The following DNAI1 variants were observed in gnomAD, a reference collection of about 807,000 sequenced individuals.
The protein encoded by DNAI1 is dynein, axonemal, intermediate polypeptide 1.
In DNAI1, 67 loss-of-function variants were observed where a neutral mutation model predicts 92.0. The ratio of observed to expected loss-of-function variants is 0.73; its 90% confidence interval spans 0.60 to 0.89. The LOEUF is 0.89. Among genes scored for constraint, DNAI1 ranks in the 40% least tolerant of loss-of-function variants. DNAI1 has a pLI of 0.00. For synonymous variants in DNAI1, 323 were observed against 319.6 expected, an observed-to-expected ratio of 1.01 and a Z score of -0.11; for missense variants, 839 against 866.6, an observed-to-expected ratio of 0.97 and a Z score of 0.40.
intron 1 of DNAI1, among the ~76,000 whole-genome samples, chr9:34,470,424 C>G (rs1824115771): frequency 6.6e-6 from 1 of 152,052 alleles, no homozygotes; most frequent in South Asian, 2.1e-4. Context: ...GAAAAATAAA[C>G]TAAGCAAATG....
intron 1 of DNAI1, chr9:34,478,521 A>G (rs1171177425): frequency 6.6e-6 from 1 of 152,280 alleles, no homozygotes; most frequent in Non-Finnish European, 1.5e-5. Context: ...ACCTCCATCC[A>G]AATGCTAGCC....
Position 34,489,325 on chromosome 9 carries a change from A to G in DNAI1, c.264A>G (p.Glu88=). The change falls in exon 5 of 20, where the codon GAA becomes GAG. Residue 88 remains glutamate (E), a splice_region_variant and synonymous_variant. Transcript: ENST00000242317. The part of the protein sequence containing the change: ...PQNIVRYSFK[E]GTYKPIGFVN... ...TGACTCAGCCCCTCTCTTCTTAGGA[A>G]GGCACATATAAGCCTATTGGCTTTG... 9 of 1,614,016 alleles carry G rather than the reference A, an allele frequency of 5.6e-6. No homozygotes were observed. Among genetic ancestry groups the G allele is most frequent in the Non-Finnish European group, 6.8e-6 (8 of 1,179,934 alleles).
intron 12 of DNAI1, among the ~76,000 whole-genome samples, chr9:34,501,810 G>A (rs181723265): frequency 8.5e-4 from 130 of 152,312 alleles, no homozygotes; most frequent in African/African-American, 3.0e-3. Context: ...AACCTTCGGA[G>A]CCCACTGCTA....
intron 1 of DNAI1, among the ~76,000 whole-genome samples, chr9:34,466,736 C>T (rs935364685): frequency 1.3e-5 from 2 of 152,190 alleles, no homozygotes; most frequent in Non-Finnish European, 2.9e-5. Context: ...GGACCAACTA[C>T]TTTCTCCACA....
chr9:34,500,834 C>A lies in DNAI1; in HGVS notation c.1014C>A (p.Leu338=). 6.2e-7 allele frequency: 1 copy of A among 1,613,196 alleles called. No individual in the cohort carries two copies. The highest frequency in any genetic ancestry group is 8.5e-7 in the Non-Finnish European group (1 of 1,179,138). ...DKAKRLSVTA[L]CWNPKYRDLF... ...CCAAGCGCCTGTCCGTCACTGCCCT[C>A]TGCTGGTAAGTATAGGCATTGCAGC... The change falls in exon 11 of 20, where the codon CTC becomes CTA. Residue 338 remains leucine, a synonymous_variant. Coordinates refer to ENST00000242317, the MANE Select transcript of DNAI1 (RefSeq NM_012144.4).
intron 1 of DNAI1, among the ~76,000 whole-genome samples, chr9:34,478,086 G>A (rs917387439): frequency 1.3e-5 from 2 of 151,712 alleles, no homozygotes; most frequent in African/African-American, 2.4e-5. Flanking sequence ...AGGGTTTCAC[G>A]ATGTTGCCCA....
chr9:34,489,926 C>A, intron 5 of DNAI1, 86 bp from the exon 6 acceptor site: 7 of 1,567,500 alleles, frequency 4.5e-6, no homozygotes, highest in Non-Finnish European at 5.2e-6. Context: ...CAAGGAAAAC[C>A]CCAGGCAGAA....
intron 1 of DNAI1, among the ~76,000 whole-genome samples, chr9:34,475,382 A>T (rs1824218443): frequency 6.6e-6 from 1 of 152,182 alleles, no homozygotes; most frequent in Non-Finnish European, 1.5e-5. Flanking sequence ...CTTTCCAGGA[A>T]CAATCATGTT....
chr9:34,506,647 C>T lies in DNAI1; in HGVS notation c.1084C>T (p.Arg362Trp), dbSNP rs147893084. ...YGSYDFMKQS[R>W]GMLLLYSLKN... ...GGTAGATGACTTCATGAAGCAGAGC[C>T]GGGGCATGCTGCTGCTCTACAGCCT... Residue 362 changes from arginine (R) to tryptophan (W), a missense_variant, in exon 13 of 20, where the codon CGG (arginine) becomes TGG (tryptophan). Coordinates refer to ENST00000242317, the MANE Select transcript of DNAI1 (RefSeq NM_012144.4). The T allele has an allele frequency of 4.5e-5, 73 of 1,614,060 alleles. No individual in the cohort carries two copies. Among genetic ancestry groups the T allele is most frequent in the Non-Finnish European group, 5.5e-5 (65 of 1,180,054 alleles).
At chr9:34,462,573 G>C (rs1490613728) in intron 1 of DNAI1, among the ~76,000 whole-genome samples, 1 of 152,184 alleles carries the variant, frequency 6.6e-6, no homozygotes, top group African/African-American at 2.4e-5. Flanking sequence ...TATGAATTCT[G>C]AATGCCCTAA....
intron 12 of DNAI1, among the ~76,000 whole-genome samples, chr9:34,502,264 C>CT (rs1267738852): frequency 1.3e-5 from 2 of 152,154 alleles, no homozygotes; most frequent in Non-Finnish European, 2.9e-5. Context: ...TAAATGCCTG[C>CT]TTTGTGTCCC....
Position 34,490,140 on chromosome 9 carries a change from G to A in DNAI1, c.501+16G>A, listed in dbSNP as rs373496626. 3.2e-5 allele frequency: 52 copies of A among 1,613,582 alleles called. No homozygotes were observed. Among genetic ancestry groups the A allele is most frequent in the South Asian group, 7.7e-5 (7 of 91,042 alleles). ...TGCAGCTGGGGTACAGTATAATATC[G>A]CTCTGTGTCCCTCTTCTTCCAGCTC... On this transcript the variant is annotated intron_variant, in intron 6 of 19. Coordinates refer to ENST00000242317, the MANE Select transcript of DNAI1 (RefSeq NM_012144.4).
At chr9:34,507,293 C>T (rs1824955741) in intron 13 of DNAI1, among the ~76,000 whole-genome samples, 1 of 152,156 alleles carries the variant, frequency 6.6e-6, no homozygotes, top group Admixed American at 6.5e-5. Context: ...AAAAACATAA[C>T]TACTAATAGC....
In DNAI1 at chr9:34,514,435, C is replaced by T. The variant is rs199502666; in HGVS notation, c.1611C>T (p.Asp537=). 7.6e-5 allele frequency: 123 copies of T among 1,614,244 alleles called. 2 individuals carry two copies. Among genetic ancestry groups the T allele is most frequent in the Middle Eastern group, 1.6e-4 (1 of 6,062 alleles). The part of the protein sequence containing the change: ...SYSSQFLDTY[D]AHNMSVDTVS... ...CCAGCCAATTCCTCGACACCTATGACGCCCACAACATGTCAGTGGACACTG... is the reference window on the plus strand; with the variant it reads ...CCAGCCAATTCCTCGACACCTATGATGCCCACAACATGTCAGTGGACACTG... The change falls in exon 17 of 20, where the codon GAC becomes GAT. Residue 537 remains aspartate (D), a synonymous_variant. Transcript: ENST00000242317.
chr9:34,513,118 G>A lies in DNAI1; in HGVS notation c.1496G>A (p.Gly499Asp). Reference sequence around the variant, plus strand: ...CCCTCCCTCTTTTCCCAAGGTTGTGGCACTGCCTTTGACTTCCACAAAGAG... The same window carrying A: ...CCCTCCCTCTTTTCCCAAGGTTGTGACACTGCCTTTGACTTCCACAAAGAG... The part of the protein sequence containing the change: ...EGLQLHPVGC[G>D]TAFDFHKEID... The change falls in exon 16 of 20, where the codon GGC becomes GAC. Residue 499 changes from glycine (G) to aspartate (D), a missense_variant. Physicochemically the swap from Gly to Asp is moderately conservative, Grantham distance 94. Coordinates refer to ENST00000242317, the MANE Select transcript of DNAI1 (RefSeq NM_012144.4). 1 of 1,614,070 alleles carries A rather than the reference G, an allele frequency of 6.2e-7. No homozygotes were observed. Among genetic ancestry groups the A allele is most frequent in the Non-Finnish European group, 8.5e-7 (1 of 1,179,954 alleles).
At chr9:34,475,282 A>C (rs1457102686) in intron 1 of DNAI1, among the ~76,000 whole-genome samples, 1 of 152,200 alleles carries the variant, frequency 6.6e-6, no homozygotes, top group African/African-American at 2.4e-5. Context: ...TAAAATAAGG[A>C]CCAAGACAAC....
At chr9:34,519,627 G>A (rs1026566083) in intron 19 of DNAI1, among the ~76,000 whole-genome samples, 1 of 152,154 alleles carries the variant, frequency 6.6e-6, no homozygotes, top group Admixed American at 6.5e-5. Context: ...GTCACAGCAG[G>A]GGGAAATCTG....
At chr9:34,489,868 A>G in intron 5 of DNAI1, 144 bp from the exon 6 acceptor site, 3 of 1,260,014 alleles carry the variant, frequency 2.4e-6, no homozygotes, top group South Asian at 1.4e-5. Context: ...AAAGCCCAAT[A>G]GCTGGTTGTC....
chr9:34,511,960 A>G lies in DNAI1; in HGVS notation c.1312-149A>G, dbSNP rs1016341119. 5 of 736,458 alleles carry G rather than the reference A, an allele frequency of 6.8e-6. 1 individual carries two copies. The highest frequency in any genetic ancestry group is 2.9e-5 in the South Asian group (2 of 69,142). The allele number at this position is 736,458 out of a possible 1,614,324, so 45.6% of individuals were successfully genotyped here. ...GAGACAGAGATGGATGGAAGGAGGG[A>G]GAAAGGACCAATCATGGGATTCTGG... is the stretch of plus-strand genomic sequence containing the variant. On this transcript the variant is annotated intron_variant, in intron 13 of 19. Transcript: ENST00000242317.
Sources: gnomAD v4.1 joint callset for allele counts (sites outside exome capture counted in the v4.1 genomes callset) on GRCh38, gnomAD v4.1.1 for gene constraint, MANE v1.5 for transcripts, NCBI Gene and HGNC (gene_info 2026-07-23, HGNC 2026-07-21) for gene names.